Variants in CEP70 observed in about 807,000 individuals in gnomAD.
CEP70 encodes centrosomal protein of 70 kDa.
A neutral mutation model predicts 90.9 loss-of-function variants in CEP70; 70 were observed. The observed-to-expected ratio is 0.77, with a 90% CI of 0.64 to 0.94. CEP70 has a LOEUF of 0.94. Ranked by LOEUF, CEP70 falls within the 40% of genes least tolerant of loss-of-function variation. CEP70 has a pLI of 0.00. For synonymous variants in CEP70, 220 were observed against 228.3 expected (o/e 0.96, Z 0.33); for missense variants, 648 against 669.0 (o/e 0.97, Z 0.35).
chr3:138,537,001 C>CCA (rs2038324908), intron 7 of CEP70, 177 bp downstream of exon 7: 1 of 234,078 alleles, frequency 4.3e-6, no homozygotes, highest in Non-Finnish European at 7.4e-6. Flanking sequence ...ACCTCTAGAA[C>CCA]AAAAAAAAAA....
rs35064874 is a variant in CEP70, at chr3:138,581,694, CAA to C, written c.-5-8764_-5-8763del. Among the ~76,000 whole-genome samples the C allele has an allele frequency of 8.2e-3, 653 of 79,310 alleles. 5 individuals are homozygous for C. Among genetic ancestry groups the C allele is most frequent in the African/African-American group, 0.024 (509 of 20,914 alleles). The allele number at this position is 79,310 out of a possible 152,430, so 52.0% of individuals were successfully genotyped here. A position where few individuals can be genotyped will look rare whatever the true frequency, so the allele number is the denominator to read the frequency against. ...AGGGTGACAAGAGTGAAACTTGTCT[CAA>C]AAAAAAAAAAAAAAAAAAAGAATAA... On this transcript the variant is annotated intron_variant, in intron 2 of 17. Transcript: ENST00000264982.
intron 6 of CEP70, among the ~76,000 whole-genome samples, chr3:138,567,733 G>GT (rs1476998871): frequency 6.6e-6 from 1 of 152,132 alleles, no homozygotes; most frequent in African/African-American, 2.4e-5. Flanking sequence ...GGTGGCTGTT[G>GT]TTAAGATGCT....
intron 11 of CEP70, among the ~76,000 whole-genome samples, chr3:138,510,704 C>T (rs1016591897): frequency 2.6e-5 from 4 of 152,038 alleles, no homozygotes; most frequent in African/African-American, 4.8e-5. Context: ...AGGATTATTA[C>T]GAGACTACAG....
At chr3:138,551,856 A>G (rs2039648795) in intron 6 of CEP70, among the ~76,000 whole-genome samples, 1 of 152,184 alleles carries the variant, frequency 6.6e-6, no homozygotes, top group African/African-American at 2.4e-5. Flanking sequence ...TAAATTGCCT[A>G]AATGCTCCAC....
chr3:138,577,559 A>G (rs2041617332), intron 2 of CEP70, among the ~76,000 whole-genome samples: 1 of 152,134 alleles, frequency 6.6e-6, no homozygotes, highest in South Asian at 2.1e-4. Context: ...GAGACAGGAG[A>G]ATCACTTGAA....
chr3:138,501,771 C>A (rs116000985), intron 13 of CEP70, among the ~76,000 whole-genome samples: 161 of 152,256 alleles, frequency 1.1e-3, no homozygotes, highest in African/African-American at 3.7e-3. Context: ...ACTGATCAAT[C>A]GACAAATATT....
Position 138,564,579 on chromosome 3 carries a change from A to G in CEP70, c.465+5739T>C, listed in dbSNP as rs536268655. On this transcript the variant is annotated intron_variant, in intron 6 of 17. Coordinates refer to ENST00000264982, the MANE Select transcript of CEP70 (RefSeq NM_024491.4). Reference sequence around the variant, plus strand: ...AATAAATGTAATCCATCATGTAAACAGAACCAAAGACAAAAACCACATGAT... The same window carrying G: ...AATAAATGTAATCCATCATGTAAACGGAACCAAAGACAAAAACCACATGAT... Among the ~76,000 whole-genome samples, 15 of 152,354 alleles carry G rather than the reference A, an allele frequency of 9.8e-5. No individual in the cohort carries two copies. The East Asian group carries it at 2.7e-3, about 27-fold the overall frequency.
chr3:138,503,218 AC>A (rs909564992), intron 13 of CEP70, among the ~76,000 whole-genome samples: 2 of 152,028 alleles, frequency 1.3e-5, no homozygotes, highest in African/African-American at 4.8e-5. Flanking sequence ...TCACCACTCT[AC>A]TTTGTCTCTA....
chr3:138,555,785 G>A (rs2039962167), intron 6 of CEP70, among the ~76,000 whole-genome samples: 1 of 152,182 alleles, frequency 6.6e-6, no homozygotes, highest in African/African-American at 2.4e-5. Flanking sequence ...TGTGGATGTG[G>A]TGAAAAGGGA....
At chr3:138,577,552 A>AC (rs2041616740) in intron 2 of CEP70, among the ~76,000 whole-genome samples, 1 of 152,114 alleles carries the variant, frequency 6.6e-6, no homozygotes, top group South Asian at 2.1e-4. Context: ...AGAGGCTGAG[A>AC]CAGGAGAATC....
At chr3:138,530,936 C>T in intron 8 of CEP70, 7 of 679,888 alleles carry the variant, frequency 1.0e-5, no homozygotes, top group East Asian at 1.3e-4. Context: ...CGAAAAACTC[C>T]CTCCTTAGGA....
intron 1 of CEP70, among the ~76,000 whole-genome samples, chr3:138,592,188 G>A (rs529932963): frequency 4.3e-4 from 66 of 152,190 alleles, no homozygotes; most frequent in African/African-American, 1.5e-3. Context: ...ACATTTAGCT[G>A]GGTATCCAAA....
chr3:138,591,022 G>T (rs918618661), intron 2 of CEP70, among the ~76,000 whole-genome samples: 4 of 152,072 alleles, frequency 2.6e-5, no homozygotes, highest in African/African-American at 9.7e-5. Context: ...ACGCTAAAAA[G>T]ATTTTGTTAA....
At chr3:138,573,869 C>T (rs535198715) in intron 2 of CEP70, among the ~76,000 whole-genome samples, 2 of 152,226 alleles carry the variant, frequency 1.3e-5, no homozygotes, top group Non-Finnish European at 2.9e-5. Flanking sequence ...TTGAGAATTT[C>T]TAGGACATCC....
At chr3:138,540,168 A>G (rs954488221) in intron 6 of CEP70, among the ~76,000 whole-genome samples, 1 of 152,160 alleles carries the variant, frequency 6.6e-6, no homozygotes, top group African/African-American at 2.4e-5. Context: ...TTTTCAAAAG[A>G]AGATTATACA....
chr3:138,534,748 A>G (rs563346174), intron 7 of CEP70, among the ~76,000 whole-genome samples: 1 of 152,310 alleles, frequency 6.6e-6, no homozygotes, highest in East Asian at 1.9e-4. Flanking sequence ...AACAGGCCTG[A>G]TATGTCTACT....
At chr3:138,512,737 A>G (rs1467873283) in intron 11 of CEP70, among the ~76,000 whole-genome samples, 2 of 152,150 alleles carry the variant, frequency 1.3e-5, no homozygotes, top group Non-Finnish European at 2.9e-5. Flanking sequence ...ATAACTTTCC[A>G]TGTGCAGAAA....
intron 13 of CEP70, among the ~76,000 whole-genome samples, chr3:138,501,314 CCCT>C (rs1337457915): frequency 1.3e-5 from 2 of 151,990 alleles, no homozygotes; most frequent in African/African-American, 2.4e-5. Context: ...ATAAAATTTA[CCCT>C]AAGTATACAA....
intron 2 of CEP70, among the ~76,000 whole-genome samples, chr3:138,585,708 C>T (rs2042073424): frequency 6.6e-6 from 1 of 152,098 alleles, no homozygotes; most frequent in Non-Finnish European, 1.5e-5. Flanking sequence ...ACCAATGGAA[C>T]AGAACAGAAA....
Sources: gnomAD v4.1 joint callset for allele counts (sites outside exome capture counted in the v4.1 genomes callset) on GRCh38, gnomAD v4.1.1 for gene constraint, MANE v1.5 for transcripts, NCBI Gene and HGNC (gene_info 2026-07-23, HGNC 2026-07-21) for gene names.